The following LPP variants were observed in gnomAD, a reference collection of about 807,000 sequenced individuals.
LPP encodes lipoma-preferred partner.
A neutral mutation model predicts 60.4 loss-of-function variants in LPP; 38 were observed. The ratio of observed to expected loss-of-function variants is 0.63; its 90% confidence interval spans 0.49 to 0.83. LPP has a LOEUF of 0.83. Among genes scored for constraint, LPP ranks in the 40% least tolerant of loss-of-function variants. The probability of loss-of-function intolerance (pLI) is 0.00; values close to 1 mark genes in which losing one functional copy is unlikely to be tolerated. For missense variants in LPP, 902 were observed against 783.6 expected (o/e 1.15, Z -1.80); for synonymous variants, 328 against 290.8 (o/e 1.13, Z -1.30).
intron 8 of LPP, among the ~76,000 whole-genome samples, chr3:188,753,627 GT>G (rs1183392244): frequency 7.1e-6 from 1 of 140,904 alleles, no homozygotes; most frequent in Admixed American, 7.1e-5. Context: ...TTTGTTTTTT[GT>G]TTTTTTTTAC....
chr3:188,179,392 C>T (rs1472713977), intron 1 of LPP: 4 of 458,008 alleles, frequency 8.7e-6, no homozygotes, highest in Non-Finnish European at 1.3e-5. Flanking sequence ...CGCCTTGTTC[C>T]CATTGCCACC....
chr3:188,573,247 C>T lies in LPP; in HGVS notation c.430-35914C>T, dbSNP rs79101628. Among the ~76,000 whole-genome samples the T allele has an allele frequency of 2.0e-5, 3 of 152,056 alleles. No individual in the cohort carries two copies. The East Asian group carries it at 5.8e-4, about 29-fold the overall frequency. On this transcript the variant is annotated intron_variant, in intron 6 of 11. Coordinates refer to ENST00000617246, the MANE Select transcript of LPP (RefSeq NM_001375462.1). ...CAGAAGAGACAGAGCAGGGATTTTG[C>T]TTGTGTGACATTGATGTGTGTCTCA...
intron 1 of LPP, among the ~76,000 whole-genome samples, chr3:188,192,230 G>T (rs1728378617): frequency 6.6e-6 from 1 of 152,212 alleles, no homozygotes; most frequent in African/African-American, 2.4e-5. Context: ...TGATGCTTGA[G>T]TTGGGTTTTG....
At chr3:188,646,718 C>A (rs1363489926) in intron 7 of LPP, among the ~76,000 whole-genome samples, 1 of 152,200 alleles carries the variant, frequency 6.6e-6, no homozygotes, top group African/African-American at 2.4e-5. Context: ...TTAGAAATCA[C>A]CTCAACTGAT....
chr3:188,283,507 AT>A (rs1742835958), intron 2 of LPP, among the ~76,000 whole-genome samples: 1 of 152,192 alleles, frequency 6.6e-6, no homozygotes, highest in African/African-American at 2.4e-5. Flanking sequence ...CTTAACTAGA[AT>A]TGCTACTTGC....
chr3:188,346,426 A>ATT (rs778079285), intron 3 of LPP, among the ~76,000 whole-genome samples: 6 of 135,482 alleles, frequency 4.4e-5, no homozygotes, highest in East Asian at 2.1e-4. Flanking sequence ...CGCCCAGCTA[A>ATT]TTTTTTTTTT....
chr3:188,715,496 G>A (rs1560106246), intron 8 of LPP, among the ~76,000 whole-genome samples: 1 of 150,198 alleles, frequency 6.7e-6, no homozygotes, highest in East Asian at 2.0e-4. Flanking sequence ...TTTAAATTGA[G>A]TATTAAAATG....
In LPP at chr3:188,808,125, T is replaced by C. The variant is rs146112042; in HGVS notation, c.1410+47843T>C. Reference sequence around the variant, plus strand: ...TAGTGCACCACAGATTTCAAATATCTCTAATGTTACTTTGTCTTTGTGGTG... The same window carrying C: ...TAGTGCACCACAGATTTCAAATATCCCTAATGTTACTTTGTCTTTGTGGTG... On this transcript the variant is annotated intron_variant, in intron 9 of 11. Coordinates refer to ENST00000617246, the MANE Select transcript of LPP (RefSeq NM_001375462.1). 2.2e-3 allele frequency among the ~76,000 whole-genome samples: 332 copies of C among 152,284 alleles called. 2 individuals carry two copies. Among genetic ancestry groups the C allele is most frequent in the African/African-American group, 7.5e-3 (310 of 41,554 alleles).
At chr3:188,769,331 T>G (rs1442858635) in intron 9 of LPP, among the ~76,000 whole-genome samples, 1 of 152,174 alleles carries the variant, frequency 6.6e-6, no homozygotes, top group Non-Finnish European at 1.5e-5. Context: ...CCTTTGCTAG[T>G]GGTATTTATT....
chr3:188,466,836 T>TATATATAGAG (rs1800575637), intron 4 of LPP, among the ~76,000 whole-genome samples: 1 of 134,528 alleles, frequency 7.4e-6, no homozygotes, highest in Non-Finnish European at 1.6e-5. Flanking sequence ...TATATATATA[T>TATATATAGAG]ATATATGCTG....
At chr3:188,425,402 ATTTTC>A (rs1040666479) in intron 4 of LPP, among the ~76,000 whole-genome samples, 51 of 152,070 alleles carry the variant, frequency 3.4e-4, no homozygotes, top group African/African-American at 1.2e-3. Context: ...TTGGCCTGAA[ATTTTC>A]TTTTTTTTGT....
chr3:188,636,196 C>T (rs980386613), intron 7 of LPP, among the ~76,000 whole-genome samples: 8 of 152,264 alleles, frequency 5.3e-5, no homozygotes, highest in Middle Eastern at 3.4e-3. Context: ...TCAGTGGGTG[C>T]GCGCACCGTG....
intron 5 of LPP, among the ~76,000 whole-genome samples, chr3:188,522,784 AATATAT>A (rs61033243): frequency 0.21 from 25,773 of 125,206 alleles, 2,590 homozygotes; most frequent in Middle Eastern, 0.27. Flanking sequence ...GATAATATGA[AATATAT>A]ATATATATAT....
chr3:188,760,422 G>GTGTGTGTGTC, intron 9 of LPP, 140 bp downstream of exon 9: 1 of 719,888 alleles, frequency 1.4e-6, no homozygotes, highest in Non-Finnish European at 2.3e-6. Context: ...GTGTGTGTGT[G>GTGTGTGTGTC]TGTGTGTGTG....
At chr3:188,750,983 A>G (rs1727891719) in intron 8 of LPP, among the ~76,000 whole-genome samples, 1 of 152,174 alleles carries the variant, frequency 6.6e-6, no homozygotes. Context: ...TAGTATTTTC[A>G]TCGTTAAAAT....
rs1006194423 is a variant in LPP, at chr3:188,890,511, A to G, written c.*16032A>G. On this transcript the variant is annotated 3_prime_UTR_variant, in exon 12 of 12. Coordinates refer to ENST00000617246, the MANE Select transcript of LPP (RefSeq NM_001375462.1). Reference sequence around the variant, plus strand: ...TGTTTATGCATTATCTGACTATATTAAAACCTGTTTTTCTATTTACCTTCT... The same window carrying G: ...TGTTTATGCATTATCTGACTATATTGAAACCTGTTTTTCTATTTACCTTCT... The G allele has an allele frequency of 2.7e-5, 5 of 187,096 alleles. No homozygotes were observed. The highest frequency in any genetic ancestry group is 1.2e-4 in the African/African-American group (5 of 42,798). 11.6% of individuals were successfully genotyped at this position (187,096 alleles called of 1,614,324 possible).
At chr3:188,527,333 A>G (rs1457036601) in intron 6 of LPP, among the ~76,000 whole-genome samples, 1 of 133,352 alleles carries the variant, frequency 7.5e-6, no homozygotes, top group Non-Finnish European at 1.6e-5. Flanking sequence ...CTGGGGACAG[A>G]GGGAGACTCC....
Position 188,830,048 on chromosome 3 carries a change from A to T in LPP, c.1411-36152A>T, listed in dbSNP as rs144946903. Among the ~76,000 whole-genome samples, 704 of 152,064 alleles carry T rather than the reference A, an allele frequency of 4.6e-3. 9 individuals are homozygous for T. Among genetic ancestry groups the T allele is most frequent in the African/African-American group, 0.016 (683 of 41,496 alleles). On this transcript the variant is annotated intron_variant, in intron 9 of 11. Coordinates refer to ENST00000617246, the MANE Select transcript of LPP (RefSeq NM_001375462.1). ...GATATATTAAGAAACTTTTGAAAGTATAAATCATCTAAATCATCATGTATA... is the reference window on the plus strand; with the variant it reads ...GATATATTAAGAAACTTTTGAAAGTTTAAATCATCTAAATCATCATGTATA...
At chr3:188,335,141 C>T (rs549431946) in intron 2 of LPP, among the ~76,000 whole-genome samples, 14 of 152,222 alleles carry the variant, frequency 9.2e-5, no homozygotes, top group East Asian at 3.9e-4. Flanking sequence ...TCAATTTGAA[C>T]GTGTCCAGTA....
Sources: gnomAD v4.1 joint callset for allele counts (sites outside exome capture counted in the v4.1 genomes callset) on GRCh38, gnomAD v4.1.1 for gene constraint, MANE v1.5 for transcripts, NCBI Gene and HGNC (gene_info 2026-07-23, HGNC 2026-07-21) for gene names.